The following RBFOX3 variants were observed in gnomAD, a reference collection of about 807,000 sequenced individuals.
The protein encoded by RBFOX3 is RNA binding fox-1 homolog 3.
RBFOX3 carries 17 observed loss-of-function variants against 48.7 expected under a neutral mutation model. The observed-to-expected ratio is 0.35, with a 90% CI of 0.24 to 0.52. The LOEUF (loss-of-function observed/expected upper bound fraction) is 0.52. Ranked by LOEUF, RBFOX3 falls within the 20% of genes least tolerant of loss-of-function variation. RBFOX3 has a pLI of 0.94. For missense variants in RBFOX3, 382 were observed against 497.5 expected, an observed-to-expected ratio of 0.77 and a Z score of 2.21; for synonymous variants, 212 against 209.5, an observed-to-expected ratio of 1.01 and a Z score of -0.10.
At chr17:79,445,849 C>T (rs1033075087) in intron 2 of RBFOX3, among the ~76,000 whole-genome samples, 1 of 152,204 alleles carries the variant, frequency 6.6e-6, no homozygotes, top group African/African-American at 2.4e-5. Context: ...TTGCAGAGGG[C>T]AGGGGCTCTC....
rs923052394 is a variant in RBFOX3, at chr17:79,421,870, T to C, written c.-175+60584A>G. On this transcript the variant is annotated intron_variant, in intron 2 of 14. Transcript: ENST00000693108. The surrounding 1 kb of genome is among the most constrained non-coding windows in gnomAD (Gnocchi z 4.5). Reference sequence around the variant, plus strand: ...CCGTGAGGGTGGCCCACGAGGCTCATGGGTTCCAGGAACCCACGCCCCACC... The same window carrying C: ...CCGTGAGGGTGGCCCACGAGGCTCACGGGTTCCAGGAACCCACGCCCCACC... Among the ~76,000 whole-genome samples, 3 of 152,034 alleles carry C rather than the reference T, an allele frequency of 2.0e-5. No individual in the cohort carries two copies. Among genetic ancestry groups the C allele is most frequent in the Non-Finnish European group, 2.9e-5 (2 of 68,012 alleles).
chr17:79,185,542 G>T (rs539071726), intron 4 of RBFOX3, among the ~76,000 whole-genome samples: 5 of 152,106 alleles, frequency 3.3e-5, no homozygotes, highest in African/African-American at 1.2e-4. Context: ...TCCCTCTTTT[G>T]TCTTCTCTGG....
intron 1 of RBFOX3, chr17:79,601,728 C>A (rs2093708930): frequency 6.6e-6 from 1 of 152,114 alleles, no homozygotes; most frequent in African/African-American, 2.4e-5. Flanking sequence ...AGGAAAGAAC[C>A]CCATGGGAAG....
In RBFOX3 at chr17:79,571,523, C is replaced by G. The variant is rs944144597; in HGVS notation, c.-320+39303G>C. On this transcript the variant is annotated intron_variant, in intron 1 of 14. Coordinates refer to ENST00000693108, the MANE Select transcript of RBFOX3 (RefSeq NM_001350451.2). ...CTTGGGTGTCCCCACTCCCACCCCC[C>G]GCCCCCCCAACCACTCTCTTCCATC... 3.0e-5 allele frequency among the ~76,000 whole-genome samples: 4 copies of G among 133,180 alleles called. No individual in the cohort carries two copies. The Admixed American group carries it at 3.1e-4, about 10-fold the overall frequency. The allele number at this position is 133,180 out of a possible 152,430, so 87.4% of individuals were successfully genotyped here.
At chr17:79,342,818 A>T (rs1200584007) in intron 2 of RBFOX3, among the ~76,000 whole-genome samples, 10 of 152,206 alleles carry the variant, frequency 6.6e-5, no homozygotes, top group Admixed American at 6.5e-4. Context: ...ACTTAAGGAA[A>T]ACTAGGGTGA....
chr17:79,330,605 T>G (rs2080120768), intron 2 of RBFOX3, among the ~76,000 whole-genome samples: 1 of 152,056 alleles, frequency 6.6e-6, no homozygotes, highest in South Asian at 2.1e-4. Flanking sequence ...CCCACTCCTG[T>G]CTCCCCCAGG....
intron 14 of RBFOX3, chr17:79,094,155 C>G: frequency 2.5e-6 from 1 of 403,582 alleles, no homozygotes; most frequent in Non-Finnish European, 4.4e-6. Flanking sequence ...GGGGCCTCAA[C>G]GGGACTTTAT....
At chr17:79,366,260 G>A (rs968385965) in intron 2 of RBFOX3, among the ~76,000 whole-genome samples, 5 of 152,208 alleles carry the variant, frequency 3.3e-5, no homozygotes, top group East Asian at 3.8e-4. Context: ...CAGGCATCTC[G>A]GGCACCATCA....
chr17:79,102,752 G>A (rs1459577967), intron 8 of RBFOX3, among the ~76,000 whole-genome samples: 1 of 152,232 alleles, frequency 6.6e-6, no homozygotes, highest in African/African-American at 2.4e-5. Flanking sequence ...GGCCCAGACT[G>A]GGCCATGTGG....
chr17:79,103,219 A>T lies in RBFOX3; in HGVS notation c.450T>A (p.Asp150Glu). The T allele has an allele frequency of 1.3e-6, 2 of 1,551,362 alleles. No homozygotes were observed. Residue 150 changes from aspartate (D) to glutamate (E), a missense_variant, in exon 8 of 15, where the codon GAT (aspartate) becomes GAA (glutamate). By Grantham distance (45) the Asp-to-Glu change is conservative. This residue lies in a region of RBFOX3 where 49 missense variants were observed against 110.7 expected (regional missense o/e 0.44). Transcript: ENST00000693108. The surrounding 1 kb of genome is among the most constrained non-coding windows in gnomAD (Gnocchi z 6.1). ...TCAGCTTCTCCCGGGCTCGGTCAGC[A>T]TCTGAGCTAGTTTCAAAAGTTACAA... Reference protein sequence around the residue: ...FGFVTFETSSDADRAREKLNG... With the variant: ...FGFVTFETSSEADRAREKLNG...
chr17:79,288,195 C>T (rs1346961375), intron 3 of RBFOX3, among the ~76,000 whole-genome samples: 4 of 152,220 alleles, frequency 2.6e-5, no homozygotes, highest in Non-Finnish European at 4.4e-5. Context: ...AATCATACCA[C>T]TTGCTGGCTG....
chr17:79,586,475 A>G (rs978681184), intron 1 of RBFOX3, among the ~76,000 whole-genome samples: 6 of 152,208 alleles, frequency 3.9e-5, no homozygotes, highest in African/African-American at 1.4e-4. Context: ...TGCTGTTTCA[A>G]GCTACAGCGT....
At chr17:79,201,233 G>A (rs572821247) in intron 4 of RBFOX3, among the ~76,000 whole-genome samples, 5 of 152,238 alleles carry the variant, frequency 3.3e-5, no homozygotes, top group African/African-American at 1.2e-4. Flanking sequence ...CTCTCTCCTG[G>A]TCTCCAGGTT....
At position 79,097,381 on chromosome 17, in the gene RBFOX3, G is replaced by A; in HGVS notation, c.666C>T (p.Tyr222=). The A allele has an allele frequency of 3.2e-6, 5 of 1,548,618 alleles. No individual in the cohort carries two copies. The highest frequency in any genetic ancestry group is 4.4e-6 in the Non-Finnish European group (5 of 1,146,298). ...PYPTTGTAVA[Y]RGAHLRGRGR... is the part of the protein sequence containing the mutation. Reference sequence around the variant, plus strand: ...CCCGGCCCCGAAGATGTGCGCCCCGGTAGGCAACGGCTGTGCCGGTGGTGG... The same window carrying A: ...CCCGGCCCCGAAGATGTGCGCCCCGATAGGCAACGGCTGTGCCGGTGGTGG... The change falls in exon 11 of 15, where the codon TAC becomes TAT. Residue 222 remains tyrosine, a synonymous_variant. Transcript: ENST00000693108.
intron 4 of RBFOX3, among the ~76,000 whole-genome samples, chr17:79,210,956 A>G (rs1346692024): frequency 6.6e-6 from 1 of 152,092 alleles, no homozygotes; most frequent in African/African-American, 2.4e-5. Flanking sequence ...GTGTCCGCAT[A>G]TAGTTCTTGT....
Position 79,103,784 on chromosome 17 carries a change from G to A in RBFOX3, c.414+289C>T, listed in dbSNP as rs1165434105. On this transcript the variant is annotated intron_variant, in intron 7 of 14. Transcript: ENST00000693108. This position sits in a 1 kb window ranked among gnomAD's most constrained non-coding sequence, Gnocchi z 6.1. ...CAAGCTTCAAGGCCAGTGGTCCCCT[G>A]GGGTAAGTGTTCAGTGGGGGTGGGG... 2.6e-5 allele frequency among the ~76,000 whole-genome samples: 4 copies of A among 152,130 alleles called. No homozygotes were observed. The highest frequency in any genetic ancestry group is 9.7e-5 in the African/African-American group (4 of 41,418).
At chr17:79,577,631 C>T (rs2092907849) in intron 1 of RBFOX3, among the ~76,000 whole-genome samples, 1 of 152,234 alleles carries the variant, frequency 6.6e-6, no homozygotes, top group African/African-American at 2.4e-5. Flanking sequence ...GATGGGCGCA[C>T]ACTTTGCCAA....
chr17:79,276,424 G>C (rs1181196698), intron 3 of RBFOX3, among the ~76,000 whole-genome samples: 1 of 152,168 alleles, frequency 6.6e-6, no homozygotes, highest in Non-Finnish European at 1.5e-5. Context: ...GGTGGTTCAC[G>C]CCTATAATCC....
chr17:79,614,703 T>A (rs1424484539), upstream of RBFOX3, among the ~76,000 whole-genome samples: 1 of 151,852 alleles, frequency 6.6e-6, no homozygotes, highest in Non-Finnish European at 1.5e-5. Context: ...AAGGAGAACA[T>A]TTAGAGAACA....
Sources: allele counts gnomAD v4.1 joint callset (sites outside exome capture counted in the v4.1 genomes callset), GRCh38; gene constraint gnomAD v4.1.1; regional missense constraint gnomAD v4.1.1; non-coding constraint Gnocchi (gnomAD v3.1); transcripts MANE v1.5; gene names NCBI Gene and HGNC (gene_info 2026-07-23, HGNC 2026-07-21).